The following GRIN3A variants were observed in gnomAD, a reference collection of about 807,000 sequenced individuals.
GRIN3A encodes the protein glutamate ionotropic receptor NMDA type subunit 3A.
In GRIN3A, 47 loss-of-function variants were observed where a neutral mutation model predicts 92.4. The ratio of observed to expected loss-of-function variants is 0.51; its 90% CI spans 0.40 to 0.65. The LOEUF is 0.65. Among genes scored for constraint, GRIN3A ranks in the 30% least tolerant of loss-of-function variants. The probability of loss-of-function intolerance (pLI) is 0.00; values close to 1 mark genes in which losing one functional copy is unlikely to be tolerated. For synonymous variants in GRIN3A, 527 were observed against 540.6 expected, an observed-to-expected ratio of 0.97 and a Z score of 0.35; for missense variants, 1,324 against 1,393.1, an observed-to-expected ratio of 0.95 and a Z score of 0.79.
chr9:101,674,830 C>T (rs989221440), intron 2 of GRIN3A, among the ~76,000 whole-genome samples: 8 of 151,830 alleles, frequency 5.3e-5, no homozygotes, highest in African/African-American at 1.9e-4. Context: ...GCATAATAAT[C>T]GGATTGGAGA....
chr9:101,606,752 G>T (rs1358050892), intron 6 of GRIN3A, among the ~76,000 whole-genome samples: 5 of 152,014 alleles, frequency 3.3e-5, no homozygotes, highest in Non-Finnish European at 5.9e-5. Context: ...AAAGAAAGAA[G>T]TTATCATCTG....
chr9:101,735,622 A>G (rs948462971), intron 1 of GRIN3A, among the ~76,000 whole-genome samples: 3 of 151,900 alleles, frequency 2.0e-5, no homozygotes, highest in South Asian at 2.1e-4. Context: ...TGTGACCACT[A>G]TTGGCCACTT....
chr9:101,628,153 A>C, intron 4 of GRIN3A, 103 bp downstream of exon 4: 2 of 1,093,254 alleles, frequency 1.8e-6, no homozygotes, highest in Non-Finnish European at 2.8e-6. Flanking sequence ...CAACGTGGGT[A>C]TATTCATCTG....
intron 6 of GRIN3A, among the ~76,000 whole-genome samples, chr9:101,610,327 C>T (rs1374481941): frequency 6.6e-6 from 1 of 152,210 alleles, no homozygotes; most frequent in Non-Finnish European, 1.5e-5. Context: ...ATGCTTCCTT[C>T]AAATGTTTGA....
At chr9:101,735,933 A>G (rs1043017603) in intron 1 of GRIN3A, among the ~76,000 whole-genome samples, 1 of 152,190 alleles carries the variant, frequency 6.6e-6, no homozygotes, top group Non-Finnish European at 1.5e-5. Context: ...ACTGCTGAAT[A>G]TGGCTTGTAC....
intron 3 of GRIN3A, among the ~76,000 whole-genome samples, chr9:101,649,136 T>G (rs1828977603): frequency 6.6e-6 from 1 of 152,058 alleles, no homozygotes; most frequent in Admixed American, 6.6e-5. Flanking sequence ...ATTGCTGTCC[T>G]GCCATTGTTT....
intron 3 of GRIN3A, among the ~76,000 whole-genome samples, chr9:101,656,507 T>A (rs1016369673): frequency 3.3e-5 from 5 of 151,864 alleles, no homozygotes; most frequent in Admixed American, 1.3e-4. Context: ...CCAGCAGCAG[T>A]AGTGATCTGA....
At position 101,570,147 on chromosome 9, in the gene GRIN3A, A is replaced by G. The variant is rs543600024; in HGVS notation, c.*3027T>C. On this transcript the variant is annotated 3_prime_UTR_variant, in exon 9 of 9. Transcript: ENST00000361820. ...TCCCCTTTCTCCTCCACCTGGAAGCATACACACTCTGGGGCCTTGATTATT... is the reference window on the plus strand; with the variant it reads ...TCCCCTTTCTCCTCCACCTGGAAGCGTACACACTCTGGGGCCTTGATTATT... 6.6e-6 allele frequency: 1 copy of G among 152,252 alleles called. No individual in the cohort carries two copies. Among genetic ancestry groups the G allele is most frequent in the South Asian group, 2.1e-4 (1 of 4,824 alleles). The allele number at this position is 152,252 out of a possible 1,614,324, so 9.4% of individuals were successfully genotyped here.
chr9:101,697,958 A>G (rs1829703973), intron 1 of GRIN3A, among the ~76,000 whole-genome samples: 1 of 152,218 alleles, frequency 6.6e-6, no homozygotes, highest in Non-Finnish European at 1.5e-5. Context: ...CTTAGCTAAA[A>G]CATGCACACT....
chr9:101,661,202 A>G (rs1299084193), intron 3 of GRIN3A, among the ~76,000 whole-genome samples: 3 of 151,860 alleles, frequency 2.0e-5, no homozygotes, highest in Non-Finnish European at 4.4e-5. Flanking sequence ...TGGAGCAAAT[A>G]TTGCTATTGT....
chr9:101,689,733 CACACACACAT>C (rs1432977038), intron 1 of GRIN3A, among the ~76,000 whole-genome samples: 1 of 143,686 alleles, frequency 7.0e-6, no homozygotes, highest in African/African-American at 2.5e-5. Context: ...TACACATGCA[CACACACACAT>C]ACACACACAC....
intron 6 of GRIN3A, among the ~76,000 whole-genome samples, chr9:101,604,418 C>A (rs1047606006): frequency 6.6e-6 from 1 of 152,306 alleles, no homozygotes; most frequent in African/African-American, 2.4e-5. Context: ...TGTGCTTCTT[C>A]GGGTTTTCAG....
At chr9:101,668,058 A>G (rs1285070814) in intron 3 of GRIN3A, among the ~76,000 whole-genome samples, 1 of 152,144 alleles carries the variant, frequency 6.6e-6, no homozygotes. Context: ...GACTTTGTCC[A>G]GTTCTACTGG....
At position 101,670,906 on chromosome 9, in the gene GRIN3A, T is replaced by A; in HGVS notation, c.1506A>T (p.Arg502Ser). Reference sequence around the variant, plus strand: ...TTGGATGTTGGAAGTGGGTTTTGTGTCTCTGGGCCTGCTCTGGCCATATTC... The same window carrying A: ...TTGGATGTTGGAAGTGGGTTTTGTGACTCTGGGCCTGCTCTGGCCATATTC... ...DYGIWPEQAQ[R>S]HKTHFQHPSK... Residue 502 changes from arginine to serine, a missense_variant, in exon 3 of 9, where the codon AGA (arginine) becomes AGT (serine). By Grantham distance (110) the Arg-to-Ser change is moderately radical (BLOSUM62 -1). Coordinates refer to ENST00000361820, the MANE Select transcript of GRIN3A (RefSeq NM_133445.3). The A allele has an allele frequency of 6.2e-7, 1 of 1,612,266 alleles. No homozygotes were observed.
intron 2 of GRIN3A, among the ~76,000 whole-genome samples, chr9:101,683,576 T>A (rs1429672664): frequency 6.6e-6 from 1 of 152,236 alleles, no homozygotes; most frequent in Admixed American, 6.5e-5. Context: ...TCCCTTGACT[T>A]GTTCCTGAAT....
intron 1 of GRIN3A, among the ~76,000 whole-genome samples, chr9:101,712,251 A>T (rs1032601540): frequency 2.0e-5 from 3 of 152,132 alleles, no homozygotes; most frequent in Non-Finnish European, 4.4e-5. Flanking sequence ...TCACCAATAC[A>T]CTTACTATCT....
intron 3 of GRIN3A, among the ~76,000 whole-genome samples, chr9:101,661,551 A>G (rs1829172086): frequency 6.6e-6 from 1 of 151,864 alleles, no homozygotes; most frequent in South Asian, 2.1e-4. Flanking sequence ...AAGGCTCTTC[A>G]ATATCATTTC....
rs1303799266 is a variant in GRIN3A, at chr9:101,671,115, A to G, written c.1305-8T>C. The stretch of plus-strand genomic sequence containing the variant: ...GTGGTATTGGCTAGAAACCTGGGAA[A>G]GAGGAGCAAAGGCAAAAAGTAAGAA... On this transcript the variant is annotated splice_polypyrimidine_tract_variant and splice_region_variant and intron_variant, in intron 2 of 8. Transcript: ENST00000361820. The G allele has an allele frequency of 3.7e-6, 6 of 1,602,024 alleles. No homozygotes were observed. The highest frequency in any genetic ancestry group is 1.7e-4 in the Middle Eastern group (1 of 6,040).
At chr9:101,594,930 T>G (rs1828097544) in intron 6 of GRIN3A, 4 of 1,596,528 alleles carry the variant, frequency 2.5e-6, no homozygotes, top group Admixed American at 1.7e-5. Flanking sequence ...ATTGTGGACA[T>G]CTGGCAACGG....
Sources: gnomAD v4.1 joint callset for allele counts (sites outside exome capture counted in the v4.1 genomes callset) on GRCh38, gnomAD v4.1.1 for gene constraint, MANE v1.5 for transcripts, NCBI Gene and HGNC (gene_info 2026-07-23, HGNC 2026-07-21) for gene names.